The following PTPN12 variants were observed in gnomAD, a reference collection of about 807,000 sequenced individuals.
The protein encoded by PTPN12 is protein tyrosine phosphatase non-receptor type 12, also known as tyrosine-protein phosphatase non-receptor type 12.
In PTPN12, 29 loss-of-function variants were observed where a neutral mutation model predicts 97.6. That is an observed-to-expected ratio of 0.30 (90% CI 0.22 to 0.41). PTPN12 has a LOEUF of 0.41. PTPN12 is among the 10% of genes least tolerant of loss of function. The pLI, the probability that PTPN12 is intolerant of heterozygous loss-of-function variation, is 1.00. For synonymous variants in PTPN12, 327 were observed against 300.4 expected (o/e 1.09, Z -0.91); for missense variants, 819 against 926.0 (o/e 0.88, Z 1.50).
Position 77,632,442 on chromosome 7 carries a change from C to T in PTPN12, c.2074+17C>T. ...GTGAACATAGTGAGTGTCTCTTTTG[C>T]TTTTACATTTACTTCATATTCTAAT... is the stretch of plus-strand genomic sequence containing the variant. On this transcript the variant is annotated intron_variant, in intron 14 of 17. Coordinates refer to ENST00000248594, the MANE Select transcript of PTPN12 (RefSeq NM_002835.4). 1 of 1,573,234 alleles carries T rather than the reference C, an allele frequency of 6.4e-7. No homozygotes were observed.
intron 15 of PTPN12, among the ~76,000 whole-genome samples, chr7:77,636,346 G>T (rs1008751340): frequency 6.6e-6 from 1 of 151,970 alleles, no homozygotes; most frequent in Non-Finnish European, 1.5e-5. Flanking sequence ...ACTTTGGGAG[G>T]CCAAGCAGAA....
chr7:77,541,279 A>T (rs1324175329), intron 1 of PTPN12, among the ~76,000 whole-genome samples: 1 of 152,066 alleles, frequency 6.6e-6, no homozygotes, highest in East Asian at 1.9e-4. Flanking sequence ...TTTTGTAGAG[A>T]CAGGGTTTCC....
intron 1 of PTPN12, among the ~76,000 whole-genome samples, chr7:77,540,426 T>C (rs1806909087): frequency 1.3e-5 from 2 of 151,972 alleles, no homozygotes; most frequent in Non-Finnish European, 2.9e-5. Context: ...TTAGTAGAGA[T>C]GGGATTTCAC....
At chr7:77,606,128 G>A (rs551726412) in intron 8 of PTPN12, among the ~76,000 whole-genome samples, 6 of 151,634 alleles carry the variant, frequency 4.0e-5, no homozygotes, top group Non-Finnish European at 8.8e-5. Context: ...CTAATTATGT[G>A]TTTTCAGTAG....
rs1232601660 is a variant in PTPN12 at position 77,639,895 on chromosome 7, TC to T, written c.*617del. 1 of 152,676 alleles carries T rather than the reference TC, an allele frequency of 6.5e-6. No homozygotes were observed. The highest frequency in any genetic ancestry group is 1.5e-5 in the Non-Finnish European group (1 of 68,036). 9.5% of individuals were successfully genotyped at this position (152,676 alleles called of 1,614,324 possible). ...CAGTCTAATTGTTCATCCTAATTGT[TC>T]CTGTTTTCATCTAGTCAGAGATTCA... On this transcript the variant is annotated 3_prime_UTR_variant, in exon 18 of 18. Coordinates refer to ENST00000248594, the MANE Select transcript of PTPN12 (RefSeq NM_002835.4).
intron 13 of PTPN12, among the ~76,000 whole-genome samples, chr7:77,628,106 CCTTT>C (rs764388325): frequency 1.1e-4 from 17 of 152,092 alleles, no homozygotes; most frequent in Non-Finnish European, 2.4e-4. Context: ...TTTTACTGTT[CCTTT>C]AACTACAGAT....
chr7:77,592,472 A>G (rs1234127134), intron 6 of PTPN12: 4 of 438,934 alleles, frequency 9.1e-6, no homozygotes, highest in Non-Finnish European at 8.0e-6. Context: ...ATCTTACTAT[A>G]TTGATTGTGT....
At chr7:77,555,141 A>T (rs1232265235) in intron 1 of PTPN12, among the ~76,000 whole-genome samples, 1 of 151,060 alleles carries the variant, frequency 6.6e-6, no homozygotes, top group Admixed American at 6.6e-5. Flanking sequence ...ACAGAGTCAG[A>T]TGTAATTCTT....
chr7:77,560,881 A>G (rs1807966656), intron 1 of PTPN12, among the ~76,000 whole-genome samples: 1 of 151,790 alleles, frequency 6.6e-6, no homozygotes, highest in Non-Finnish European at 1.5e-5. Context: ...TATCTGTTCG[A>G]GACCCTGCTT....
chr7:77,605,586 ATT>A (rs66467147), intron 8 of PTPN12, among the ~76,000 whole-genome samples: 64 of 147,834 alleles, frequency 4.3e-4, no homozygotes, highest in African/African-American at 8.4e-4. Context: ...CGCCCGGCTA[ATT>A]TTTTTTTTTT....
chr7:77,573,917 C>T (rs1465826459), intron 2 of PTPN12, among the ~76,000 whole-genome samples: 1 of 152,298 alleles, frequency 6.6e-6, no homozygotes, highest in Middle Eastern at 3.4e-3. Flanking sequence ...CCCGCTGCCA[C>T]ATCCGGCTAA....
chr7:77,625,468 G>GCGCTCTCTCTCTCTCTCTCTCTCTCTCT (rs1218191468), intron 12 of PTPN12, among the ~76,000 whole-genome samples: 2 of 24,760 alleles, frequency 8.1e-5, no homozygotes, highest in Non-Finnish European at 1.3e-4. Flanking sequence ...TGCCCAGGCT[G>GCGCTCTCTCTCTCTCTCTCTCTCTCTCT]CTCGCTCTCT....
intron 5 of PTPN12, among the ~76,000 whole-genome samples, chr7:77,585,812 G>A (rs546249630): frequency 6.6e-6 from 1 of 152,018 alleles, no homozygotes; most frequent in South Asian, 2.1e-4. Flanking sequence ...AGATATTATA[G>A]GTTCAGTTCC....
At chr7:77,626,070 G>A (rs1269341998) in intron 12 of PTPN12, among the ~76,000 whole-genome samples, 7 of 152,196 alleles carry the variant, frequency 4.6e-5, no homozygotes, top group Non-Finnish European at 7.4e-5. Context: ...GGATGTCTGT[G>A]GTATTGATAC....
chr7:77,580,105 G>C (rs771648084), intron 2 of PTPN12, among the ~76,000 whole-genome samples: 4 of 152,176 alleles, frequency 2.6e-5, no homozygotes, highest in Non-Finnish European at 4.4e-5. Context: ...CCCATCAGTA[G>C]AGTAGCTAAA....
intron 13 of PTPN12, among the ~76,000 whole-genome samples, chr7:77,630,491 C>T (rs1789361216): frequency 6.6e-6 from 1 of 152,158 alleles, no homozygotes; most frequent in African/African-American, 2.4e-5. Flanking sequence ...TCCTAGGCTA[C>T]AAACTTGTAT....
intron 14 of PTPN12, 140 bp downstream of exon 14, chr7:77,632,565 T>C: frequency 1.5e-6 from 1 of 667,644 alleles, no homozygotes; most frequent in Non-Finnish European, 2.6e-6. Context: ...ATGCTTTTAA[T>C]TCTTTGTTTG....
intron 7 of PTPN12, among the ~76,000 whole-genome samples, chr7:77,599,726 T>TA (rs1271460147): frequency 2.6e-5 from 4 of 152,216 alleles, no homozygotes; most frequent in African/African-American, 9.6e-5. Flanking sequence ...TAGATGAAGA[T>TA]ACAGAAGCTT....
chr7:77,627,772 A>G, intron 13 of PTPN12, 97 bp downstream of exon 13: 1 of 1,228,046 alleles, frequency 8.1e-7, no homozygotes, highest in Non-Finnish European at 1.1e-6. Flanking sequence ...TTTATTCCAC[A>G]CTCTACCATA....
Sources: gnomAD v4.1 joint callset for allele counts (sites outside exome capture counted in the v4.1 genomes callset) on GRCh38, gnomAD v4.1.1 for gene constraint, MANE v1.5 for transcripts, NCBI Gene and HGNC (gene_info 2026-07-23, HGNC 2026-07-21) for gene names.